Variants in NBPF15 observed in about 807,000 individuals in gnomAD.
NBPF15 encodes the protein NBPF family member NBPF15.
In NBPF15, 74 loss-of-function variants were observed where a neutral mutation model predicts 62.2. The observed-to-expected ratio is 1.19, with a 90% confidence interval of 0.99 to 1.44. The LOEUF (loss-of-function observed/expected upper bound fraction) is 1.44. NBPF15 is among the 40% of genes most tolerant of loss of function. The pLI, the probability that NBPF15 is intolerant of heterozygous loss-of-function variation, is 0.00. For synonymous variants in NBPF15, 244 were observed against 209.7 expected (o/e 1.16, Z -1.41); for missense variants, 790 against 550.0 (o/e 1.44, Z -4.36).
At chr1:144,444,890 A>C (rs1686156612) in intron 6 of NBPF15, among the ~76,000 whole-genome samples, 1 of 151,982 alleles carries the variant, frequency 6.6e-6, no homozygotes, top group African/African-American at 2.4e-5. Flanking sequence ...GTAAATTCCT[A>C]GGAAGGGAAT....
At chr1:144,449,404 G>A (rs1553544971) in intron 5 of NBPF15, among the ~76,000 whole-genome samples, 1 of 150,478 alleles carries the variant, frequency 6.6e-6, no homozygotes, top group East Asian at 2.0e-4. Flanking sequence ...GTTCATAGCA[G>A]TTTTATTCAT....
chr1:144,434,967 A>G lies in NBPF15; in HGVS notation c.772+144T>C, dbSNP rs1435103969. 6.9e-5 allele frequency: 95 copies of G among 1,367,832 alleles called. 3 individuals carry two copies. In the Admixed American group the frequency reaches 8.3e-4, roughly 12 times the overall value. 84.7% of individuals were successfully genotyped at this position (1,367,832 alleles called of 1,614,324 possible). On this transcript the variant is annotated intron_variant, in intron 12 of 21. Coordinates refer to ENST00000581897, the MANE Select transcript of NBPF15 (RefSeq NM_001385408.1). ...AGACAAAGGCATGACATTAGCTGAG[A>G]AGGACAAAAAAACTCCCTGATATCT...
intron 6 of NBPF15, among the ~76,000 whole-genome samples, chr1:144,442,024 G>T (rs1303641136): frequency 1.4e-5 from 2 of 146,384 alleles, no homozygotes; most frequent in African/African-American, 5.1e-5. Flanking sequence ...GGTGAGGGCT[G>T]GGGGAGGGAT....
chr1:144,428,344 G>T (rs77960701), intron 15 of NBPF15, among the ~76,000 whole-genome samples: 1 of 151,914 alleles, frequency 6.6e-6, no homozygotes, highest in Non-Finnish European at 1.5e-5. Context: ...TGCATAAAAT[G>T]TGCTCAAGTT....
At chr1:144,429,317 G>T (rs1553539880) in intron 14 of NBPF15, among the ~76,000 whole-genome samples, 2 of 149,864 alleles carry the variant, frequency 1.3e-5, no homozygotes, top group East Asian at 1.9e-4. Context: ...ACACAGACAT[G>T]CTTTGGGAAC....
Position 144,437,097 on chromosome 1 carries a change from G to A in NBPF15, c.291C>T (p.Val97=), listed in dbSNP as rs1318969486. Residue 97 remains valine (V), a synonymous_variant, in exon 10 of 22, where the codon GTC becomes GTT. Coordinates refer to ENST00000581897, the MANE Select transcript of NBPF15 (RefSeq NM_001385408.1). ...GCTCTCGTTCCTGAGCGTGAACCAG[G>A]ACTTTATATTGCCTAAGGTGAGACG... ...KQAEELRQYK[V]LVHAQERELT... 6.2e-7 allele frequency: 1 copy of A among 1,611,232 alleles called. No individual in the cohort carries two copies. The highest frequency in any genetic ancestry group is 1.7e-5 in the Admixed American group (1 of 59,984).
At position 144,431,459 on chromosome 1, in the gene NBPF15, T is replaced by A. The variant is rs1405746919; in HGVS notation, c.825-1596A>T. 8.5e-4 allele frequency among the ~76,000 whole-genome samples: 125 copies of A among 147,574 alleles called. 1 individual carries two copies. The highest frequency in any genetic ancestry group is 1.3e-3 in the Non-Finnish European group (87 of 67,796). On this transcript the variant is annotated intron_variant, in intron 13 of 21. Coordinates refer to ENST00000581897, the MANE Select transcript of NBPF15 (RefSeq NM_001385408.1). Reference sequence around the variant, plus strand: ...TTCCATATGTATAGTTTTCCTTTATTATTTTTTGTGTGTATGTATATATAT... The same window carrying A: ...TTCCATATGTATAGTTTTCCTTTATAATTTTTTGTGTGTATGTATATATAT...
At chr1:144,431,912 T>G (rs1271374149) in intron 13 of NBPF15, among the ~76,000 whole-genome samples, 2 of 147,786 alleles carry the variant, frequency 1.4e-5, no homozygotes, top group Non-Finnish European at 3.0e-5. Context: ...TTTGGCTTGG[T>G]TCCAAGTCTT....
At chr1:144,428,292 C>A (rs1671445943) in intron 15 of NBPF15, among the ~76,000 whole-genome samples, 1 of 151,822 alleles carries the variant, frequency 6.6e-6, no homozygotes, top group Non-Finnish European at 1.5e-5. Context: ...TCTCAGGACA[C>A]ACAGTGAACA....
rs61812383 is a variant in NBPF15, at chr1:144,443,925, C to T, written c.-190-3630G>A. 6.1e-4 allele frequency among the ~76,000 whole-genome samples: 92 copies of T among 151,140 alleles called. 3 individuals are homozygous for T. Among genetic ancestry groups the T allele is most frequent in the Middle Eastern group, 3.4e-3 (1 of 294 alleles). On this transcript the variant is annotated intron_variant, in intron 6 of 21. Coordinates refer to ENST00000581897, the MANE Select transcript of NBPF15 (RefSeq NM_001385408.1). ...TGCAGTTCATCAGCCTTTCAACCCT[C>T]AGCCCCAAGGAGCCACTGTCACTTC...
At chr1:144,431,761 C>A (rs1203483124) in intron 13 of NBPF15, among the ~76,000 whole-genome samples, 1 of 133,464 alleles carries the variant, frequency 7.5e-6, no homozygotes, top group Non-Finnish European at 1.6e-5. Context: ...TTTGTCCTTG[C>A]AATAGTTTGC....
chr1:144,424,177 C>A (rs1160389077), intron 20 of NBPF15, among the ~76,000 whole-genome samples: 13 of 151,998 alleles, frequency 8.6e-5, no homozygotes, highest in African/African-American at 2.9e-4. Flanking sequence ...GGTAAAGTGT[C>A]CCTATTCTAG....
intron 6 of NBPF15, among the ~76,000 whole-genome samples, chr1:144,445,153 G>A (rs1686378089): frequency 6.6e-6 from 1 of 150,886 alleles, no homozygotes; most frequent in African/African-American, 2.4e-5. Flanking sequence ...GACCATTCAT[G>A]TATCTTCTTT....
chr1:144,457,446 A>G (rs868934410), intron 3 of NBPF15, among the ~76,000 whole-genome samples: 2,497 of 152,050 alleles, frequency 0.016, 170 homozygotes, highest in Admixed American at 0.11. Context: ...TTTCATTGAC[A>G]TTTCCTTTTA....
chr1:144,423,939 C>A lies in NBPF15; in HGVS notation c.1700G>T (p.Gly567Val). The change falls in exon 21 of 22, where the codon GGA becomes GTA. Residue 567 changes from glycine (G) to valine (V), a missense_variant. Transcript: ENST00000581897. ...EKKGKGKKRR[G>V]RRSKKKRRRG... ...TCTTCTTTTCTTCTTTGATCTTCTT[C>A]CCCTTCTTTTCTTCCCCTTCCCCTT... The A allele has an allele frequency of 5.1e-6, 4 of 784,752 alleles. No individual in the cohort carries two copies. The highest frequency in any genetic ancestry group is 6.9e-6 in the Non-Finnish European group (3 of 436,068). 48.6% of individuals were successfully genotyped at this position (784,752 alleles called of 1,614,324 possible). A position where few individuals can be genotyped will look rare whatever the true frequency, so the allele number is the denominator to read the frequency against.
chr1:144,449,724 T>G (rs1211991860), intron 5 of NBPF15, among the ~76,000 whole-genome samples: 1 of 150,820 alleles, frequency 6.6e-6, no homozygotes, highest in East Asian at 2.0e-4. Context: ...CCAGCTCCAT[T>G]TCCAAACTAT....
chr1:144,444,533 A>G (rs1395035767), intron 6 of NBPF15, among the ~76,000 whole-genome samples: 25 of 151,884 alleles, frequency 1.6e-4, no homozygotes, highest in Admixed American at 7.2e-4. Flanking sequence ...GGCCCCCAGC[A>G]CCTAGACCCA....
intron 5 of NBPF15, among the ~76,000 whole-genome samples, 160 bp downstream of exon 5, chr1:144,450,612 G>A (rs1182894661): frequency 4.0e-5 from 6 of 150,540 alleles, no homozygotes; most frequent in African/African-American, 1.5e-4. Flanking sequence ...TCAAACCACT[G>A]GTTTGTGGTA....
At chr1:144,423,459 G>C (rs1254518128) in intron 21 of NBPF15, among the ~76,000 whole-genome samples, 3 of 151,898 alleles carry the variant, frequency 2.0e-5, no homozygotes, top group East Asian at 3.9e-4. Context: ...AAGACAGAGA[G>C]AGAGAGACAG....
Sources: allele counts gnomAD v4.1 joint callset (sites outside exome capture counted in the v4.1 genomes callset), GRCh38; gene constraint gnomAD v4.1.1; transcripts MANE v1.5; gene names NCBI Gene and HGNC (gene_info 2026-07-23, HGNC 2026-07-21).